The following ZBTB38 variants were observed in gnomAD, a reference collection of about 807,000 sequenced individuals.
ZBTB38 encodes zinc finger and BTB domain containing 38.
Under a neutral mutation model 76.8 loss-of-function variants are expected in ZBTB38, and 20 were observed. That is an observed-to-expected ratio of 0.26 (90% confidence interval 0.18 to 0.38). ZBTB38 has a LOEUF of 0.38. Ranked by LOEUF, ZBTB38 falls within the 10% of genes least tolerant of loss-of-function variation. ZBTB38 has a pLI of 1.00. For missense variants in ZBTB38, 1,082 were observed against 1,482.3 expected (o/e 0.73, Z 4.43); for synonymous variants, 504 against 544.2 (o/e 0.93, Z 1.03).
At chr3:141,375,243 A>G (rs1477004748) in intron 2 of ZBTB38, among the ~76,000 whole-genome samples, 1 of 152,246 alleles carries the variant, frequency 6.6e-6, no homozygotes, top group African/African-American at 2.4e-5. Context: ...TATTGTACAC[A>G]TGAAATCACT....
At chr3:141,439,062 G>A (rs2079504126) in intron 5 of ZBTB38, among the ~76,000 whole-genome samples, 1 of 150,416 alleles carries the variant, frequency 6.6e-6, no homozygotes, top group Admixed American at 6.6e-5. Flanking sequence ...CAGGGCCTCT[G>A]TAAATAATTG....
intron 1 of ZBTB38, among the ~76,000 whole-genome samples, chr3:141,348,678 C>T (rs964110290): frequency 2.0e-5 from 3 of 152,126 alleles, no homozygotes; most frequent in Non-Finnish European, 2.9e-5. Context: ...AGCACATAAA[C>T]GAGCTAGGAT....
chr3:141,325,308 AAATT>A (rs1942640344), intron 1 of ZBTB38, among the ~76,000 whole-genome samples: 1 of 152,250 alleles, frequency 6.6e-6, no homozygotes, highest in East Asian at 1.9e-4. Context: ...CAGGGGGAAT[AAATT>A]AAGAAAATTA....
intron 1 of ZBTB38, among the ~76,000 whole-genome samples, chr3:141,340,336 ATAAT>A (rs1272015140): frequency 6.6e-6 from 1 of 152,212 alleles, no homozygotes; most frequent in Non-Finnish European, 1.5e-5. Context: ...AGTAAAAAAG[ATAAT>A]TAGAGACTTT....
chr3:141,402,389 C>G (rs1372015171), intron 4 of ZBTB38: 1 of 151,532 alleles, frequency 6.6e-6, no homozygotes, highest in Non-Finnish European at 1.5e-5. Context: ...GCCGGACTCA[C>G]GGGTCCGGAA....
intron 5 of ZBTB38, among the ~76,000 whole-genome samples, chr3:141,433,835 T>G (rs1211566861): frequency 1.3e-5 from 2 of 152,216 alleles, no homozygotes; most frequent in East Asian, 3.8e-4. Flanking sequence ...TAATAGCCTT[T>G]TCAGCTAATT....
intron 5 of ZBTB38, among the ~76,000 whole-genome samples, chr3:141,423,630 T>G (rs1454225489): frequency 6.6e-6 from 1 of 152,204 alleles, no homozygotes; most frequent in Non-Finnish European, 1.5e-5. Context: ...AAGGAAAGCT[T>G]GGAACTATCA....
chr3:141,355,032 T>A (rs906603598), intron 1 of ZBTB38, among the ~76,000 whole-genome samples: 1 of 152,056 alleles, frequency 6.6e-6, no homozygotes, highest in Non-Finnish European at 1.5e-5. Flanking sequence ...ATGCACACAT[T>A]GTTATAAACT....
At chr3:141,423,747 A>G (rs2075871119) in intron 5 of ZBTB38, among the ~76,000 whole-genome samples, 1 of 152,198 alleles carries the variant, frequency 6.6e-6, no homozygotes, top group African/African-American at 2.4e-5. Flanking sequence ...AGTGAACCCA[A>G]ATTTTTAATT....
chr3:141,443,423 C>G lies in ZBTB38; in HGVS notation c.1035C>G (p.Ser345Arg). 1 of 1,614,254 alleles carries G rather than the reference C, an allele frequency of 6.2e-7. No individual in the cohort carries two copies. The highest frequency in any genetic ancestry group is 8.5e-7 in the Non-Finnish European group (1 of 1,180,048). The change falls in exon 6 of 6, where the codon AGC (serine) becomes AGG (arginine). Residue 345 changes from serine (S) to arginine (R), a missense_variant. Around this residue, in one of 8 missense-constraint regions of ZBTB38, gnomAD observed 324 missense variants for 359.1 expected, o/e 0.90. Transcript: ENST00000321464. This position sits in a 1 kb window ranked among gnomAD's most constrained non-coding sequence, Gnocchi z 5.6. Reference sequence around the variant, plus strand: ...TTCCACCTCTGGTGTACAATTGTAGCTGCTGTTCCAAAGCCTTTGACAGCA... The same window carrying G: ...TTCCACCTCTGGTGTACAATTGTAGGTGCTGTTCCAAAGCCTTTGACAGCA... Reference protein sequence around the residue: ...AEVPPLVYNCSCCSKAFDSST... With the variant: ...AEVPPLVYNCRCCSKAFDSST...
Position 141,447,777 on chromosome 3 carries a change from G to A in ZBTB38, c.*1801G>A, listed in dbSNP as rs1025453888. On this transcript the variant is annotated 3_prime_UTR_variant, in exon 6 of 6. Coordinates refer to ENST00000321464, the MANE Select transcript of ZBTB38 (RefSeq NM_001376113.1). ...TGGGTGGGTAAGAAAGCATTTAAAC[G>A]CCCAGGAAAGGACATGATTAAAGTT... 3.3e-5 allele frequency: 5 copies of A among 152,234 alleles called. No individual in the cohort carries two copies. The highest frequency in any genetic ancestry group is 5.9e-5 in the Non-Finnish European group (4 of 68,016). 9.4% of individuals were successfully genotyped at this position (152,234 alleles called of 1,614,324 possible).
chr3:141,374,912 T>C (rs1945145673), intron 2 of ZBTB38, among the ~76,000 whole-genome samples: 1 of 152,216 alleles, frequency 6.6e-6, no homozygotes, highest in Non-Finnish European at 1.5e-5. Context: ...CTTGGTCTTT[T>C]TTAGTTTCTC....
intron 1 of ZBTB38, among the ~76,000 whole-genome samples, chr3:141,350,566 G>C (rs1479114866): frequency 6.6e-6 from 1 of 152,156 alleles, no homozygotes; most frequent in Non-Finnish European, 1.5e-5. Flanking sequence ...ATTGCTTGGA[G>C]TCTACATTTT....
At chr3:141,429,168 G>T (rs1332018936) in intron 5 of ZBTB38, among the ~76,000 whole-genome samples, 1 of 152,182 alleles carries the variant, frequency 6.6e-6, no homozygotes, top group Non-Finnish European at 1.5e-5. Context: ...GAATGTTGAG[G>T]GCCGTGGAAA....
intron 5 of ZBTB38, among the ~76,000 whole-genome samples, chr3:141,410,393 C>T (rs192684946): frequency 2.5e-3 from 385 of 152,306 alleles, no homozygotes; most frequent in Non-Finnish European, 3.8e-3. Context: ...CTAGCCCGAC[C>T]TCTTTGCATT....
chr3:141,350,997 T>C (rs1260862546), intron 1 of ZBTB38, among the ~76,000 whole-genome samples: 1 of 152,270 alleles, frequency 6.6e-6, no homozygotes, highest in African/African-American at 2.4e-5. Flanking sequence ...AGTTCACCAT[T>C]GCTTTATTTA....
At chr3:141,356,738 A>T (rs187569865) in intron 1 of ZBTB38, among the ~76,000 whole-genome samples, 1 of 152,314 alleles carries the variant, frequency 6.6e-6, no homozygotes, top group African/African-American at 2.4e-5. Context: ...TCTCACTTAA[A>T]GTGTTAGAGG....
chr3:141,331,964 C>T lies in ZBTB38; in HGVS notation c.-739+7508C>T, dbSNP rs150703475. Among the ~76,000 whole-genome samples, 287 of 152,336 alleles carry T rather than the reference C, an allele frequency of 1.9e-3. 1 individual carries two copies. The highest frequency in any genetic ancestry group is 6.6e-3 in the African/African-American group (273 of 41,570). ...TGACAAATAAGTGGAAGATAATGCACTTGCCTTCAGTCTGGAAGACGTGTG... is the reference window on the plus strand; with the variant it reads ...TGACAAATAAGTGGAAGATAATGCATTTGCCTTCAGTCTGGAAGACGTGTG... On this transcript the variant is annotated intron_variant, in intron 1 of 7. Coordinates refer to the ZBTB38 transcript ENST00000509842.
At chr3:141,417,302 C>T (rs1207206885) in intron 5 of ZBTB38, among the ~76,000 whole-genome samples, 1 of 152,212 alleles carries the variant, frequency 6.6e-6, no homozygotes, top group Non-Finnish European at 1.5e-5. Flanking sequence ...AGCTCCCTTT[C>T]AGCACTGAAG....
Sources: allele counts gnomAD v4.1 joint callset (sites outside exome capture counted in the v4.1 genomes callset), GRCh38; gene constraint gnomAD v4.1.1; regional missense constraint gnomAD v4.1.1; non-coding constraint Gnocchi (gnomAD v3.1); transcripts MANE v1.5; gene names NCBI Gene and HGNC (gene_info 2026-07-23, HGNC 2026-07-21).